Variants in SKOR1 observed in about 807,000 individuals in gnomAD.
SKOR1 encodes the protein LBX1 corepressor 1.
In SKOR1, 38 loss-of-function variants were observed where a neutral mutation model predicts 72.4. The ratio of observed to expected loss-of-function variants is 0.52; its 90% CI spans 0.40 to 0.69. The LOEUF is 0.69. Ranked by LOEUF, SKOR1 falls within the 30% of genes least tolerant of loss-of-function variation. The pLI is 0.00. For synonymous variants in SKOR1, 642 were observed against 599.4 expected (o/e 1.07, Z -1.04); for missense variants, 1,320 against 1,343.2 (o/e 0.98, Z 0.27).
Position 67,826,271 on chromosome 15 carries a change from C to T in SKOR1, c.443C>T (p.Ser148Leu). The T allele has an allele frequency of 1.2e-6, 2 of 1,613,168 alleles. No homozygotes were observed. Among genetic ancestry groups the T allele is most frequent in the East Asian group, 2.2e-5 (1 of 44,876 alleles). Reference sequence around the variant, plus strand: ...CGGGCCGGGGCCATGCCCATCTCGTCGCGCCGCTGCGGCATGATCACTAAG... The same window carrying T: ...CGGGCCGGGGCCATGCCCATCTCGTTGCGCCGCTGCGGCATGATCACTAAG... ...LRRAGAMPIS[S>L]RRCGMITKRE... The change falls in exon 2 of 9, where the codon TCG becomes TTG. Residue 148 changes from serine (S) to leucine (L), a missense_variant. Transcript: ENST00000380035.
Position 67,827,475 on chromosome 15 carries a change from G to T in SKOR1, c.1647G>T (p.Ala549=). The T allele has an allele frequency of 2.0e-6, 3 of 1,520,896 alleles. No individual in the cohort carries two copies. The highest frequency in any genetic ancestry group is 2.6e-6 in the Non-Finnish European group (3 of 1,141,538). 94.2% of individuals were successfully genotyped at this position (1,520,896 alleles called of 1,614,324 possible). A position where few individuals can be genotyped will look rare whatever the true frequency, so the allele number is the denominator to read the frequency against. The stretch of plus-strand genomic sequence containing the variant: ...CAGCCAAAGAGAGTGGCCTCGGCGC[G>T]GAGGAGCGCTGCCCGAGCGCTCTGT... ...AEPAKESGLG[A]EERCPSALSR... Residue 549 remains alanine, a synonymous_variant, in exon 2 of 9, where the codon GCG becomes GCT. Coordinates refer to ENST00000380035, the MANE Select transcript of SKOR1 (RefSeq NM_001365915.1).
rs2091020167 is a variant in SKOR1, at chr15:67,832,988, GATCC to G, written c.2738-200_2738-197del. The G allele has an allele frequency of 3.3e-6, 2 of 614,926 alleles. No homozygotes were observed. Among genetic ancestry groups the G allele is most frequent in the East Asian group, 5.5e-5 (2 of 36,212 alleles). 38.1% of individuals were successfully genotyped at this position (614,926 alleles called of 1,614,324 possible). ...CCTAAGTTTGCTTTAATTTTGGTTA[GATCC>G]ATCTGCCTTTAAGCGCCATCCCAGG... On this transcript the variant is annotated intron_variant, in intron 7 of 8. Coordinates refer to ENST00000380035, the MANE Select transcript of SKOR1 (RefSeq NM_001365915.1). The surrounding 1 kb of genome is among the most constrained non-coding windows in gnomAD (Gnocchi z 4.5).
rs1041469559 is a variant in SKOR1 at position 67,833,124 on chromosome 15, G to C, written c.2738-68G>C. 6.4e-7 allele frequency: 1 copy of C among 1,564,924 alleles called. No individual in the cohort carries two copies. The highest frequency in any genetic ancestry group is 8.8e-7 in the Non-Finnish European group (1 of 1,138,688). On this transcript the variant is annotated intron_variant, in intron 7 of 8. Transcript: ENST00000380035. The surrounding 1 kb of genome is among the most constrained non-coding windows in gnomAD (Gnocchi z 6.0). ...TAGCCCTGGGGAGAGGAGGAAGCCC[G>C]GGCTGTGACCCCGGCCTTTCGGAGG...
At position 67,830,248 on chromosome 15, in the gene SKOR1, A is replaced by T. The variant is rs2090998538; in HGVS notation, c.2465A>T (p.Tyr822Phe). The part of the protein sequence containing the change: ...PADDLETRKS[Y>F]PDQRSISQPS... ...GATGATTTGGAAACGAGGAAATCCT[A>T]TCCAGACCAAAGGAGTATCTCCCAG... Residue 822 changes from tyrosine (Y) to phenylalanine (F), a missense_variant, in exon 4 of 9, where the codon TAT becomes TTT. Physicochemically the swap from Tyr to Phe is conservative, Grantham distance 22. Around this residue, in one of 3 missense-constraint regions of SKOR1, gnomAD observed 1,099 missense variants for 1,025.5 expected, o/e 1.07. Transcript: ENST00000380035. 3 of 1,614,072 alleles carry T rather than the reference A, an allele frequency of 1.9e-6. No homozygotes were observed. Among genetic ancestry groups the T allele is most frequent in the Admixed American group, 1.7e-5 (1 of 60,016 alleles).
rs768097118 is a variant in SKOR1 at position 67,833,169 on chromosome 15, T to G, written c.2738-23T>G. 1.2e-6 allele frequency: 2 copies of G among 1,613,874 alleles called. No individual in the cohort carries two copies. The highest frequency in any genetic ancestry group is 2.2e-5 in the East Asian group (1 of 44,864). On this transcript the variant is annotated intron_variant, in intron 7 of 8. Coordinates refer to ENST00000380035, the MANE Select transcript of SKOR1 (RefSeq NM_001365915.1). The surrounding 1 kb of genome is among the most constrained non-coding windows in gnomAD (Gnocchi z 6.0). ...CGGAGGGTGGTCTGCGTTTCCTCAC[T>G]GGCCCCTCCCCTTGTCTTCCAGATA...
rs1238417750 is a variant in SKOR1, at chr15:67,834,477, G to A, written c.*641G>A. 1 of 153,108 alleles carries A rather than the reference G, an allele frequency of 6.5e-6. No homozygotes were observed. Among genetic ancestry groups the A allele is most frequent in the Admixed American group, 6.5e-5 (1 of 15,476 alleles). The allele number at this position is 153,108 out of a possible 1,614,324, so 9.5% of individuals were successfully genotyped here. On this transcript the variant is annotated 3_prime_UTR_variant, in exon 9 of 9. Coordinates refer to ENST00000380035, the MANE Select transcript of SKOR1 (RefSeq NM_001365915.1). This position sits in a 1 kb window ranked among gnomAD's most constrained non-coding sequence, Gnocchi z 5.8. ...TTTAAAAGGGCGACAACTGACTCAC[G>A]AGATGGCAACCACCTGGAGCCTGTT...
In SKOR1 at chr15:67,833,622, G is replaced by T. The variant is rs1160007811; in HGVS notation, c.2804-120G>T. ...CTACCCTCCTGCCTCCTCCTGATCC[G>T]CTCGGTTGAGATTCCCTGACCCCAA... On this transcript the variant is annotated intron_variant, in intron 8 of 8. Coordinates refer to ENST00000380035, the MANE Select transcript of SKOR1 (RefSeq NM_001365915.1). The surrounding 1 kb of genome is among the most constrained non-coding windows in gnomAD (Gnocchi z 6.0). 4 of 1,042,926 alleles carry T rather than the reference G, an allele frequency of 3.8e-6. No individual in the cohort carries two copies. Among genetic ancestry groups the T allele is most frequent in the African/African-American group, 1.6e-5 (1 of 64,208 alleles). 64.6% of individuals were successfully genotyped at this position (1,042,926 alleles called of 1,614,324 possible).
rs1486436731 is a variant in SKOR1 at position 67,833,203 on chromosome 15, A to T, written c.2749A>T (p.Asn917Tyr). The change falls in exon 8 of 9, where the codon AAC becomes TAC. Residue 917 changes from asparagine (N) to tyrosine (Y), a missense_variant. Physicochemically the swap from Asn to Tyr is moderately radical, Grantham distance 143. This residue lies in a region of SKOR1 where 1,099 missense variants were observed against 1,025.5 expected (regional missense o/e 1.07). Coordinates refer to ENST00000380035, the MANE Select transcript of SKOR1 (RefSeq NM_001365915.1). The surrounding 1 kb of genome is among the most constrained non-coding windows in gnomAD (Gnocchi z 6.0). ...QLQIVRDTLCNELDQERKARY... is the reference protein window; with the variant it reads ...QLQIVRDTLCYELDQERKARY... ...CCCTTGTCTTCCAGATACCCTGTGT[A>T]ACGAACTCGACCAGGAGCGGAAGGC... 1 of 1,613,986 alleles carries T rather than the reference A, an allele frequency of 6.2e-7. No individual in the cohort carries two copies. Among genetic ancestry groups the T allele is most frequent in the Non-Finnish European group, 8.5e-7 (1 of 1,180,014 alleles).
rs1642761630 is a variant in SKOR1 at position 67,833,938 on chromosome 15, C to G, written c.*102C>G. 7.6e-7 allele frequency: 1 copy of G among 1,307,830 alleles called. No individual in the cohort carries two copies. The highest frequency in any genetic ancestry group is 2.3e-5 in the East Asian group (1 of 42,774). 81.0% of individuals were successfully genotyped at this position (1,307,830 alleles called of 1,614,324 possible). A position where few individuals can be genotyped will look rare whatever the true frequency, so the allele number is the denominator to read the frequency against. ...CGAGGAACAAGCCATTCGGACCCGA[C>G]CGATGTAAATACAGCCGCCCGTCCG... is the stretch of plus-strand genomic sequence containing the variant. On this transcript the variant is annotated 3_prime_UTR_variant, in exon 9 of 9. Transcript: ENST00000380035. The surrounding 1 kb of genome is among the most constrained non-coding windows in gnomAD (Gnocchi z 6.0).
rs2091013152 is a variant in SKOR1 at position 67,832,143 on chromosome 15, G to C, written c.2588-131G>C. The C allele has an allele frequency of 2.6e-6, 2 of 773,792 alleles. No homozygotes were observed. Among genetic ancestry groups the C allele is most frequent in the South Asian group, 3.3e-5 (2 of 61,266 alleles). The allele number at this position is 773,792 out of a possible 1,614,324, so 47.9% of individuals were successfully genotyped here. A position where few individuals can be genotyped will look rare whatever the true frequency, so the allele number is the denominator to read the frequency against. On this transcript the variant is annotated intron_variant, in intron 5 of 8. Coordinates refer to ENST00000380035, the MANE Select transcript of SKOR1 (RefSeq NM_001365915.1). The surrounding 1 kb of genome is among the most constrained non-coding windows in gnomAD (Gnocchi z 4.5). ...TTTGAATGCAGTTGGTAAAGCCAGA[G>C]AGCGGAGGGCCTCCACCTACTGGTC...
In SKOR1 at chr15:67,827,535, G is replaced by C. The variant is rs1597016505; in HGVS notation, c.1707G>C (p.Glu569Asp). Reference protein sequence around the residue: ...RGPLDEDGTDEALPPPLAPLP... With the variant: ...RGPLDEDGTDDALPPPLAPLP... ...CCCTGGACGAAGACGGCACGGACGA[G>C]GCGCTGCCACCGCCCCTGGCCCCGT... Residue 569 changes from glutamate to aspartate, a missense_variant, in exon 2 of 9, where the codon GAG becomes GAC. Physicochemically the swap from Glu to Asp is conservative, Grantham distance 45. This residue lies in a region of SKOR1 where 1,099 missense variants were observed against 1,025.5 expected (regional missense o/e 1.07). Transcript: ENST00000380035. 1.3e-6 allele frequency: 2 copies of C among 1,521,920 alleles called. No individual in the cohort carries two copies. The highest frequency in any genetic ancestry group is 1.2e-5 in the South Asian group (1 of 82,756). 94.3% of individuals were successfully genotyped at this position (1,521,920 alleles called of 1,614,324 possible).
chr15:67,827,753 GCAGCTC>G lies in SKOR1; in HGVS notation c.1931_1936del (p.Ser644_Ser645del). The G allele has an allele frequency of 6.4e-7, 1 of 1,551,390 alleles. No homozygotes were observed. The highest frequency in any genetic ancestry group is 8.7e-7 in the Non-Finnish European group (1 of 1,147,308). On this transcript the variant is annotated inframe_deletion, in exon 2 of 9. Transcript: ENST00000380035. The stretch of plus-strand genomic sequence containing the variant: ...GTGAGCCCGGACTTTCTGAGCGAGG[GCAGCTC>G]CAGCTACAATTCCGCCTCGCCCGAC...
In SKOR1 at chr15:67,832,543, G is replaced by A; in HGVS notation, c.2663-64G>A. Reference sequence around the variant, plus strand: ...GTAGGGGTGAAAGGGGGGGCCAGGAGTGAGAAAGTGGAGCCGGGAGAGGGG... The same window carrying A: ...GTAGGGGTGAAAGGGGGGGCCAGGAATGAGAAAGTGGAGCCGGGAGAGGGG... On this transcript the variant is annotated intron_variant, in intron 6 of 8. Transcript: ENST00000380035. This position sits in a 1 kb window ranked among gnomAD's most constrained non-coding sequence, Gnocchi z 4.5. The A allele has an allele frequency of 2.0e-6, 3 of 1,491,110 alleles. No homozygotes were observed. Among genetic ancestry groups the A allele is most frequent in the Admixed American group, 1.7e-5 (1 of 59,496 alleles). The allele number at this position is 1,491,110 out of a possible 1,614,324, so 92.4% of individuals were successfully genotyped here.
intron 4 of SKOR1, 62 bp downstream of exon 4, chr15:67,830,360 C>T: frequency 6.9e-7 from 1 of 1,456,812 alleles, no homozygotes; most frequent in Non-Finnish European, 9.6e-7. Context: ...CCAGGTCGCC[C>T]AGGTTCCCAG....
At position 67,827,233 on chromosome 15, in the gene SKOR1, G is replaced by A. The variant is rs1420151139; in HGVS notation, c.1405G>A (p.Ala469Thr). 1 of 1,573,774 alleles carries A rather than the reference G, an allele frequency of 6.4e-7. No homozygotes were observed. The highest frequency in any genetic ancestry group is 8.6e-7 in the Non-Finnish European group (1 of 1,168,294). ...CTGGGGGCATCAACCCTCCGGGGCAGCCAAGGACGCAGCGGCAGTGGCTGC... is the reference window on the plus strand; with the variant it reads ...CTGGGGGCATCAACCCTCCGGGGCAACCAAGGACGCAGCGGCAGTGGCTGC... Reference protein sequence around the residue: ...MFWGHQPSGAAKDAAAVAAAA... With the variant: ...MFWGHQPSGATKDAAAVAAAA... Residue 469 changes from alanine to threonine, a missense_variant, in exon 2 of 9, where the codon GCC becomes ACC. Physicochemically the swap from Ala to Thr is moderately conservative, Grantham distance 58. Transcript: ENST00000380035.
At chr15:67,828,928 A>C (rs893476591) in intron 2 of SKOR1, among the ~76,000 whole-genome samples, 1 of 152,198 alleles carries the variant, frequency 6.6e-6, no homozygotes, top group Non-Finnish European at 1.5e-5. Flanking sequence ...GGTGGAGGAC[A>C]CTTTGAACGC....
In SKOR1 at chr15:67,832,564, AG is replaced by A. The variant is rs772357345; in HGVS notation, c.2663-38del. 4 of 1,558,126 alleles carry A rather than the reference AG, an allele frequency of 2.6e-6. 1 individual carries two copies. The highest frequency in any genetic ancestry group is 3.5e-6 in the Non-Finnish European group (4 of 1,131,164). On this transcript the variant is annotated intron_variant, in intron 6 of 8. Transcript: ENST00000380035. This position sits in a 1 kb window ranked among gnomAD's most constrained non-coding sequence, Gnocchi z 4.5. ...AGGAGTGAGAAAGTGGAGCCGGGAG[AG>A]GGGGCTGTGCGTAACAGCTCTCACT...
chr15:67,828,438 C>G (rs1212690355), intron 2 of SKOR1, among the ~76,000 whole-genome samples: 1 of 152,118 alleles, frequency 6.6e-6, no homozygotes, highest in African/African-American at 2.4e-5. Flanking sequence ...CTGCCAGACA[C>G]AGAGACAGAA....
chr15:67,829,041 G>C (rs529667583), intron 2 of SKOR1, 138 bp from the exon 3 acceptor site: 2 of 711,828 alleles, frequency 2.8e-6, no homozygotes, highest in Non-Finnish European at 4.5e-6. Flanking sequence ...GTGCGTCACT[G>C]TGCCCGCTCA....
Sources: gnomAD v4.1 joint callset for allele counts (sites outside exome capture counted in the v4.1 genomes callset) on GRCh38, gnomAD v4.1.1 for gene constraint, gnomAD v4.1.1 regional missense constraint, Gnocchi (gnomAD v3.1) non-coding constraint, MANE v1.5 for transcripts, NCBI Gene and HGNC (gene_info 2026-07-23, HGNC 2026-07-21) for gene names.